The following TMEM132D variants were observed in gnomAD, a reference collection of about 807,000 sequenced individuals.
TMEM132D encodes the protein transmembrane protein 132D.
A neutral mutation model predicts 62.3 loss-of-function variants in TMEM132D; 21 were observed. The observed-to-expected ratio is 0.34, with a 90% confidence interval of 0.24 to 0.49. TMEM132D has a LOEUF of 0.49. Among genes scored for constraint, TMEM132D ranks in the 20% least tolerant of loss-of-function variants. TMEM132D has a pLI of 0.99. For missense variants in TMEM132D, 1,346 were observed against 1,402.8 expected (o/e 0.96, Z 0.65); for synonymous variants, 621 against 575.6 (o/e 1.08, Z -1.13).
At position 129,446,377 on chromosome 12, in the gene TMEM132D, G is replaced by A. The variant is rs115121519; in HGVS notation, c.1115+84682C>T. On this transcript the variant is annotated intron_variant, in intron 3 of 8. Coordinates refer to ENST00000422113, the MANE Select transcript of TMEM132D (RefSeq NM_133448.3). ...ACAGGTGTTGTGCACTGTACCCTCC[G>A]GAGCTGTGCTAATTCCTAAGCAGAA... 7.6e-3 allele frequency among the ~76,000 whole-genome samples: 1,150 copies of A among 152,224 alleles called. 13 individuals carry two copies. Among genetic ancestry groups the A allele is most frequent in the African/African-American group, 0.026 (1,092 of 41,536 alleles).
Position 129,196,624 on chromosome 12 carries a change from T to C in TMEM132D, c.1443+12896A>G, listed in dbSNP as rs540160014. 2.0e-5 allele frequency among the ~76,000 whole-genome samples: 3 copies of C among 152,248 alleles called. No homozygotes were observed. In the South Asian group the frequency reaches 6.2e-4, roughly 32 times the overall value. On this transcript the variant is annotated intron_variant, in intron 5 of 8. Coordinates refer to ENST00000422113, the MANE Select transcript of TMEM132D (RefSeq NM_133448.3). ...GGAGGAGTATCTTGTGTGAGGTTTA[T>C]TTGCTGATGCTGTTCTAGACTAACC...
rs149590656 is a variant in TMEM132D, at chr12:129,530,731, CAG to C, written c.1115+326_1115+327del. On this transcript the variant is annotated intron_variant, in intron 3 of 8. Transcript: ENST00000422113. ...AAAATGGGCCGTTTCATGAGACATG[CAG>C]AGTTTCAGTTCCTCCAATAACATGG... Among the ~76,000 whole-genome samples, 1,146 of 152,266 alleles carry C rather than the reference CAG, an allele frequency of 7.5e-3. 20 individuals are homozygous for C. The highest frequency in any genetic ancestry group is 0.026 in the African/African-American group (1,088 of 41,552).
intron 5 of TMEM132D, among the ~76,000 whole-genome samples, chr12:129,095,692 C>G (rs1023773210): frequency 6.6e-6 from 1 of 151,978 alleles, no homozygotes; most frequent in African/African-American, 2.4e-5. Flanking sequence ...CATCAGGGCA[C>G]ACAGGGTAGA....
rs1876287191 is a variant in TMEM132D at position 129,533,440 on chromosome 12, A to C, written c.969-2235T>G. ...TAAGATGAATTCTAAAGGCTGTCCC[A>C]ATTACTCTGCAGTGGAATTTTATTG... On this transcript the variant is annotated intron_variant, in intron 2 of 8. Transcript: ENST00000422113. 1.3e-5 allele frequency among the ~76,000 whole-genome samples: 2 copies of C among 152,242 alleles called. 1 individual carries two copies. Among genetic ancestry groups the C allele is most frequent in the South Asian group, 4.1e-4 (2 of 4,836 alleles).
intron 4 of TMEM132D, among the ~76,000 whole-genome samples, chr12:129,241,752 G>C (rs1879943945): frequency 6.6e-6 from 1 of 152,144 alleles, no homozygotes; most frequent in African/African-American, 2.4e-5. Context: ...GCCAGATACT[G>C]TGCTTCACAA....
At chr12:129,380,623 GGTTT>G (rs1190757611) in intron 3 of TMEM132D, among the ~76,000 whole-genome samples, 1 of 151,896 alleles carries the variant, frequency 6.6e-6, no homozygotes, top group African/African-American at 2.4e-5. Context: ...CACGTGTGTT[GGTTT>G]GTGTCTCCAT....
intron 1 of TMEM132D, among the ~76,000 whole-genome samples, chr12:129,871,385 A>G (rs1261483730): frequency 1.3e-5 from 2 of 152,094 alleles, no homozygotes; most frequent in African/African-American, 4.8e-5. Context: ...AAGCTGTGGA[A>G]AGAGGGTGTC....
intron 5 of TMEM132D, among the ~76,000 whole-genome samples, chr12:129,097,202 C>T (rs1436205564): frequency 6.6e-6 from 1 of 152,218 alleles, no homozygotes; most frequent in African/African-American, 2.4e-5. Flanking sequence ...CTCCAGATGC[C>T]AGTAGCATCC....
intron 1 of TMEM132D, among the ~76,000 whole-genome samples, chr12:129,774,836 C>A (rs1870865778): frequency 6.6e-6 from 1 of 152,200 alleles, no homozygotes; most frequent in Non-Finnish European, 1.5e-5. Context: ...GGATTCTAAC[C>A]AGTCTACCGC....
At chr12:129,578,911 C>T (rs552791554) in intron 2 of TMEM132D, among the ~76,000 whole-genome samples, 2 of 152,280 alleles carry the variant, frequency 1.3e-5, no homozygotes, top group African/African-American at 2.4e-5. Context: ...CTCATCTCTC[C>T]CAGAAAAACC....
chr12:129,268,996 A>C, intron 4 of TMEM132D, among the ~76,000 whole-genome samples: 1 of 130,366 alleles, frequency 7.7e-6, no homozygotes, highest in African/African-American at 2.9e-5. Flanking sequence ...AGGAAGGGGA[A>C]CATCACACAC....
chr12:129,771,035 C>T (rs1430651492), intron 1 of TMEM132D, among the ~76,000 whole-genome samples: 1 of 152,226 alleles, frequency 6.6e-6, no homozygotes, highest in Non-Finnish European at 1.5e-5. Flanking sequence ...TGCCTTCCAT[C>T]TTGCTCCCCT....
intron 1 of TMEM132D, among the ~76,000 whole-genome samples, chr12:129,801,244 G>A (rs957604560): frequency 1.3e-5 from 2 of 152,216 alleles, no homozygotes; most frequent in Admixed American, 6.5e-5. Context: ...GCCTGCCTCT[G>A]TAGGCTCCAC....
intron 5 of TMEM132D, among the ~76,000 whole-genome samples, chr12:129,188,840 G>T (rs1347444744): frequency 6.6e-6 from 1 of 151,776 alleles, no homozygotes; most frequent in Admixed American, 6.6e-5. Context: ...AATCAGAAAT[G>T]AAAGTGTTGT....
intron 2 of TMEM132D, among the ~76,000 whole-genome samples, chr12:129,676,323 CTATG>C (rs1275202882): frequency 2.0e-5 from 3 of 152,200 alleles, no homozygotes; most frequent in East Asian, 1.9e-4. Context: ...TATCATCTAT[CTATG>C]TATCTATTCA....
chr12:129,672,437 A>C (rs1214461204), intron 2 of TMEM132D, among the ~76,000 whole-genome samples: 1 of 152,178 alleles, frequency 6.6e-6, no homozygotes, highest in African/African-American at 2.4e-5. Flanking sequence ...ACAAGTGTAC[A>C]TTTATCCTGT....
chr12:129,244,972 C>T (rs1316216910), intron 4 of TMEM132D, among the ~76,000 whole-genome samples: 1 of 152,152 alleles, frequency 6.6e-6, no homozygotes, highest in Non-Finnish European at 1.5e-5. Flanking sequence ...TTAAAGCTCA[C>T]AGAATTTAAC....
rs369720953 is a variant in TMEM132D at position 129,642,269 on chromosome 12, T to A, written c.968+57541A>T. Among the ~76,000 whole-genome samples the A allele has an allele frequency of 8.5e-5, 13 of 152,344 alleles. No homozygotes were observed. The East Asian group carries it at 2.5e-3, about 29-fold the overall frequency. ...ACTCCTAAATTCCACTTTCTGTGGT[T>A]GCTAAAAACAGTATCATCAGATATC... On this transcript the variant is annotated intron_variant, in intron 2 of 8. Coordinates refer to ENST00000422113, the MANE Select transcript of TMEM132D (RefSeq NM_133448.3).
At chr12:129,278,779 G>T (rs753647372) in intron 4 of TMEM132D, among the ~76,000 whole-genome samples, 3 of 152,184 alleles carry the variant, frequency 2.0e-5, no homozygotes, top group Non-Finnish European at 4.4e-5. Context: ...GAAATGCAGA[G>T]AAATTAGCAG....
Sources: allele counts gnomAD v4.1 joint callset (sites outside exome capture counted in the v4.1 genomes callset), GRCh38; gene constraint gnomAD v4.1.1; transcripts MANE v1.5; gene names NCBI Gene and HGNC (gene_info 2026-07-23, HGNC 2026-07-21).